MED24: variants seen among roughly 807,000 people sequenced by gnomAD.
MED24 encodes the protein mediator complex subunit 24, also known as mediator of RNA polymerase II transcription subunit 24.
A neutral mutation model predicts 118.8 loss-of-function variants in MED24; 74 were observed. The observed-to-expected ratio is 0.62, with a 90% CI of 0.52 to 0.76. The LOEUF is 0.76. Among genes scored for constraint, MED24 ranks in the 30% least tolerant of loss-of-function variants. MED24 has a pLI of 0.00. For synonymous variants in MED24, 521 were observed against 523.9 expected, an observed-to-expected ratio of 0.99 and a Z score of 0.08; for missense variants, 1,041 against 1,278.9, an observed-to-expected ratio of 0.81 and a Z score of 2.84.
intron 6 of MED24, chr17:40,034,826 G>A (rs1207699698): frequency 1.1e-5 from 10 of 940,048 alleles, no homozygotes; most frequent in Non-Finnish European, 1.4e-5. Flanking sequence ...TGAGGGCAGG[G>A]ACCCTGCCAC....
rs1983811138 is a variant in MED24 at position 40,035,337 on chromosome 17, T to C, written c.339A>G (p.Lys113=). 1.3e-6 allele frequency: 2 copies of C among 1,588,210 alleles called. No individual in the cohort carries two copies. Among genetic ancestry groups the C allele is most frequent in the Non-Finnish European group, 1.7e-6 (2 of 1,162,764 alleles). Residue 113 remains lysine, a synonymous_variant, in exon 6 of 26, where the codon AAA becomes AAG. Transcript: ENST00000394128. ...MFCDRLSCHG[K]AEECIGLCRA... ...GGCACAGTCCGATGCATTCCTCTGC[T>C]TTGCCGTGACAGCTACAGGGAAGGA...
intron 5 of MED24, 87 bp from the exon 6 acceptor site, chr17:40,035,436 C>T (rs1454771366): frequency 1.5e-6 from 2 of 1,354,400 alleles, no homozygotes; most frequent in Non-Finnish European, 2.0e-6. Flanking sequence ...CCCTGGCACT[C>T]CCCTACTAGG....
chr17:40,031,232 T>C lies in MED24; in HGVS notation c.1081A>G (p.Asn361Asp). 1 of 1,567,696 alleles carries C rather than the reference T, an allele frequency of 6.4e-7. No homozygotes were observed. The highest frequency in any genetic ancestry group is 8.7e-7 in the Non-Finnish European group (1 of 1,155,148). The change falls in exon 12 of 26, where the codon AAC becomes GAC. Residue 361 changes from asparagine to aspartate, a missense_variant. Physicochemically the swap from Asn to Asp is conservative, Grantham distance 23. Around this residue, in one of 3 missense-constraint regions of MED24, gnomAD observed 434 missense variants for 514.9 expected, o/e 0.84. Transcript: ENST00000394128. ...ADQRCNCDCT[N>D]FLLQECGKQG... ...TTGCCACATTCTTGGAGCAGGAAGTTTGTACAGTCACAGCTGTGAGGGAGA... is the reference window on the plus strand; with the variant it reads ...TTGCCACATTCTTGGAGCAGGAAGTCTGTACAGTCACAGCTGTGAGGGAGA...
Position 40,020,557 on chromosome 17 carries a change from G to A in MED24, c.2624-204C>T, listed in dbSNP as rs576677636. The A allele has an allele frequency of 3.8e-5, 45 of 1,190,422 alleles. No homozygotes were observed. The South Asian group carries it at 5.5e-4, about 15-fold the overall frequency. 73.7% of individuals were successfully genotyped at this position (1,190,422 alleles called of 1,614,324 possible). A position where few individuals can be genotyped will look rare whatever the true frequency, so the allele number is the denominator to read the frequency against. On this transcript the variant is annotated intron_variant, in intron 23 of 25. Transcript: ENST00000394128. Reference sequence around the variant, plus strand: ...AATCCCAGCATTTTGGGAGGCCGAGGCAGGAGGATCGCTTGAGTCCAGGAG... The same window carrying A: ...AATCCCAGCATTTTGGGAGGCCGAGACAGGAGGATCGCTTGAGTCCAGGAG...
chr17:40,035,955 C>A (rs1176004563), intron 4 of MED24, 160 bp from the exon 5 acceptor site: 2 of 1,077,622 alleles, frequency 1.9e-6, no homozygotes, highest in Admixed American at 2.0e-5. Context: ...AAGCACCAGC[C>A]CCTACTTGCC....
Position 40,035,782 on chromosome 17 carries a change from GAA to G in MED24, c.264_265del (p.Arg90GlyfsTer16). The G allele has an allele frequency of 6.2e-7, 1 of 1,614,070 alleles. No homozygotes were observed. The highest frequency in any genetic ancestry group is 1.1e-5 in the South Asian group (1 of 91,084). On this transcript the variant is annotated frameshift_variant, in exon 5 of 26. Coordinates refer to ENST00000394128, the MANE Select transcript of MED24 (RefSeq NM_014815.4). LOFTEE classifies it high-confidence loss of function. Reference sequence around the variant, plus strand: ...CAATGCCTGGACACACAGGTCCCGAGAAAAGTCATCAAACTGTGGAAAGGACA... The same window carrying G: ...CAATGCCTGGACACACAGGTCCCGAGAAGTCATCAAACTGTGGAAAGGACA...
At position 40,033,004 on chromosome 17, in the gene MED24, C is replaced by A; in HGVS notation, c.822+52G>T. On this transcript the variant is annotated intron_variant, in intron 8 of 25. Coordinates refer to ENST00000394128, the MANE Select transcript of MED24 (RefSeq NM_014815.4). The surrounding 1 kb of genome is among the most constrained non-coding windows in gnomAD (Gnocchi z 5.2). ...AACCAGAAGAATCCTCCCTCCTGCC[C>A]CCAACAGGCTGGCCTGCCTTGGAGA... The A allele has an allele frequency of 3.1e-6, 5 of 1,606,784 alleles. No individual in the cohort carries two copies. Among genetic ancestry groups the A allele is most frequent in the Non-Finnish European group, 4.2e-6 (5 of 1,176,832 alleles).
chr17:40,029,840 C>G lies in MED24; in HGVS notation c.1174G>C (p.Ala392Pro), dbSNP rs771715179. 5 of 1,614,042 alleles carry G rather than the reference C, an allele frequency of 3.1e-6. No individual in the cohort carries two copies. The highest frequency in any genetic ancestry group is 3.4e-6 in the Non-Finnish European group (4 of 1,179,960). Residue 392 changes from alanine to proline, a missense_variant, in exon 13 of 26, where the codon GCA (alanine) becomes CCA (proline). By Grantham distance (27) the Ala-to-Pro change is conservative. This residue lies in a region of MED24 where 434 missense variants were observed against 514.9 expected (regional missense o/e 0.84). Transcript: ENST00000394128. ...TTCTCTCCCGATTTCTGCTGGGGTG[C>G]GTGCTCTCGGTCCGCTTTGCTGTGG... is the stretch of plus-strand genomic sequence containing the variant. ...MAKRKADREHAPQQKSGENAN... is the reference protein window; with the variant it reads ...MAKRKADREHPPQQKSGENAN...
intron 8 of MED24, 145 bp downstream of exon 8, chr17:40,032,910 AC>A: frequency 7.4e-7 from 1 of 1,343,870 alleles, no homozygotes; most frequent in Non-Finnish European, 1.0e-6. Context: ...AGGTCCAATG[AC>A]AGAAGTGTGC....
chr17:40,034,871 A>ACCCCCG, intron 6 of MED24: 1 of 137,608 alleles, frequency 7.3e-6, no homozygotes, highest in Non-Finnish European at 1.4e-5. Flanking sequence ...CCCCACCCCC[A>ACCCCCG]GCACCTAGCA....
chr17:40,042,305 T>C (rs1024730833), intron 3 of MED24, among the ~76,000 whole-genome samples: 2 of 151,960 alleles, frequency 1.3e-5, no homozygotes, highest in Non-Finnish European at 2.9e-5. Flanking sequence ...TTTTGAAAAA[T>C]AAAGAAACTA....
intron 3 of MED24, among the ~76,000 whole-genome samples, chr17:40,047,034 G>A (rs1205015318): frequency 1.3e-5 from 2 of 151,962 alleles, no homozygotes; most frequent in African/African-American, 4.8e-5. Flanking sequence ...CTTGAGCCCA[G>A]AAGGATGAGG....
rs192888122 is a variant in MED24, at chr17:40,031,694, C to A, written c.985-74G>T. The A allele has an allele frequency of 1.2e-3, 1,650 of 1,413,792 alleles. 14 individuals carry two copies. In the African/African-American group the frequency reaches 0.021, roughly 18 times the overall value. 87.6% of individuals were successfully genotyped at this position (1,413,792 alleles called of 1,614,324 possible). ...TGATCATCTCAGGCAACCTTGTCTG[C>A]TGGAGGCATCGGCCTGAGTTGCCTG... On this transcript the variant is annotated intron_variant, in intron 10 of 25. Coordinates refer to ENST00000394128, the MANE Select transcript of MED24 (RefSeq NM_014815.4).
chr17:40,034,867 C>CCCCCACT, intron 6 of MED24: 1 of 254,732 alleles, frequency 3.9e-6, no homozygotes, highest in Non-Finnish European at 8.2e-6. Context: ...CACCCCCCAC[C>CCCCCACT]CCCAGCACCT....
At chr17:40,036,256 A>G in intron 3 of MED24, 102 bp from the exon 4 acceptor site, 1 of 1,174,758 alleles carries the variant, frequency 8.5e-7, no homozygotes. Context: ...CTGAACCTCA[A>G]CCCCTTCCAC....
intron 16 of MED24, 67 bp from the exon 17 acceptor site, chr17:40,027,101 G>A (rs2144882868): frequency 1.3e-6 from 2 of 1,556,756 alleles, no homozygotes; most frequent in Non-Finnish European, 1.8e-6. Flanking sequence ...GCTGGACCTG[G>A]GGCTGCACTG....
intron 3 of MED24, among the ~76,000 whole-genome samples, chr17:40,045,787 G>GT (rs1001117190): frequency 1.4e-3 from 210 of 151,830 alleles, no homozygotes; most frequent in African/African-American, 4.7e-3. Context: ...TACACATTTT[G>GT]TTTTTTTTGA....
intron 3 of MED24, among the ~76,000 whole-genome samples, chr17:40,047,250 G>C (rs914002320): frequency 2.6e-5 from 4 of 152,152 alleles, no homozygotes; most frequent in African/African-American, 9.7e-5. Context: ...TCCAAATAAA[G>C]GCAATTGTGG....
At position 40,026,937 on chromosome 17, in the gene MED24, T is replaced by G; in HGVS notation, c.1628A>C (p.Asp543Ala). The change falls in exon 17 of 26, where the codon GAC becomes GCC. Residue 543 changes from aspartate (D) to alanine (A), a missense_variant. Physicochemically the swap from Asp to Ala is moderately radical, Grantham distance 126. Around this residue, in one of 3 missense-constraint regions of MED24, gnomAD observed 587 missense variants for 694.4 expected, o/e 0.85. Transcript: ENST00000394128. ...MPEEGKILNP[D>A]HPCFRPDSTK... ...GGAGTCGGGGCGGAAGCAGGGGTGG[T>G]CAGGGTTCAGGATCTTGCCCTCCTC... 5.0e-6 allele frequency: 8 copies of G among 1,614,050 alleles called. No homozygotes were observed. Among genetic ancestry groups the G allele is most frequent in the Non-Finnish European group, 6.8e-6 (8 of 1,180,002 alleles).
Sources: gnomAD v4.1 joint callset for allele counts (sites outside exome capture counted in the v4.1 genomes callset) on GRCh38, gnomAD v4.1.1 for gene constraint, gnomAD v4.1.1 regional missense constraint, Gnocchi (gnomAD v3.1) non-coding constraint, MANE v1.5 for transcripts, NCBI Gene and HGNC (gene_info 2026-07-23, HGNC 2026-07-21) for gene names.